Variants in RELN observed in about 807,000 individuals in gnomAD.
The protein encoded by RELN is reelin.
Under a neutral mutation model 427.6 loss-of-function variants are expected in RELN, and 108 were observed. The observed-to-expected ratio is 0.25, with a 90% CI of 0.22 to 0.30. RELN has a LOEUF of 0.30. Among genes scored for constraint, RELN ranks in the 10% least tolerant of loss-of-function variants. The pLI, the probability that RELN is intolerant of heterozygous loss-of-function variation, is 1.00. For synonymous variants in RELN, 1,524 were observed against 1,513.4 expected (o/e 1.01, Z -0.16); for missense variants, 3,715 against 4,302.8 (o/e 0.86, Z 3.82).
chr7:103,810,997 T>C (rs951200448), intron 3 of RELN, among the ~76,000 whole-genome samples: 1 of 152,352 alleles, frequency 6.6e-6, no homozygotes, highest in African/African-American at 2.4e-5. Flanking sequence ...ACTTTGAAAG[T>C]TACTAATGAA....
rs747036143 is a variant in RELN at position 103,790,734 on chromosome 7, C to T, written c.474-14107G>A. Reference sequence around the variant, plus strand: ...ATCCCAGGAATTTGGGAGGCTGAGGCGGGTGGATCATGAGGTCAGGAGTTT... The same window carrying T: ...ATCCCAGGAATTTGGGAGGCTGAGGTGGGTGGATCATGAGGTCAGGAGTTT... On this transcript the variant is annotated intron_variant, in intron 3 of 64. Coordinates refer to ENST00000428762, the MANE Select transcript of RELN (RefSeq NM_005045.4). Among the ~76,000 whole-genome samples, 6 of 152,046 alleles carry T rather than the reference C, an allele frequency of 3.9e-5. No homozygotes were observed. In the South Asian group the frequency reaches 6.2e-4, roughly 16 times the overall value.
At chr7:103,975,515 G>GTATT (rs1554451147) in intron 1 of RELN, among the ~76,000 whole-genome samples, 22,439 of 140,508 alleles carry the variant, frequency 0.16, 2,065 homozygotes, top group Admixed American at 0.25. Flanking sequence ...GAATGGAGCA[G>GTATT]TATTTATTTA....
At chr7:103,627,158 G>A (rs1832346321) in intron 20 of RELN, among the ~76,000 whole-genome samples, 1 of 152,066 alleles carries the variant, frequency 6.6e-6, no homozygotes, top group African/African-American at 2.4e-5. Context: ...CCAGCCATTT[G>A]TAAGACCACA....
chr7:103,862,694 C>T (rs551072635), intron 2 of RELN, among the ~76,000 whole-genome samples: 2 of 152,202 alleles, frequency 1.3e-5, no homozygotes, highest in East Asian at 3.9e-4. Flanking sequence ...TTTCATGCCA[C>T]AAAGTCTTCT....
intron 22 of RELN, among the ~76,000 whole-genome samples, chr7:103,606,621 C>T (rs527354898): frequency 3.3e-5 from 5 of 152,126 alleles, no homozygotes; most frequent in Admixed American, 2.0e-4. Context: ...CCCATGGCAC[C>T]CATTAATTTG....
At chr7:103,601,420 T>C (rs1481864526) in intron 24 of RELN, among the ~76,000 whole-genome samples, 7 of 152,228 alleles carry the variant, frequency 4.6e-5, no homozygotes, top group African/African-American at 1.7e-4. Context: ...TTCACCTGCA[T>C]TAAAACAAAA....
At chr7:103,823,659 A>G (rs1183080924) in intron 3 of RELN, among the ~76,000 whole-genome samples, 1 of 151,768 alleles carries the variant, frequency 6.6e-6, no homozygotes, top group Non-Finnish European at 1.5e-5. Flanking sequence ...CTATCCTAAA[A>G]TAATTATTGG....
intron 44 of RELN, 27 bp downstream of exon 44, chr7:103,540,169 TA>T (rs1830146077): frequency 6.2e-7 from 1 of 1,613,774 alleles, no homozygotes; most frequent in Non-Finnish European, 8.5e-7. Flanking sequence ...TGACGACAAT[TA>T]AAATAGTTAA....
At chr7:103,574,040 C>A in intron 30 of RELN, 52 bp downstream of exon 30, 3 of 1,342,390 alleles carry the variant, frequency 2.2e-6, no homozygotes, top group Non-Finnish European at 3.2e-6. Context: ...TAGACTACAT[C>A]GTGTGGTAAA....
chr7:103,625,855 G>C (rs1832318959), intron 20 of RELN, among the ~76,000 whole-genome samples: 1 of 152,046 alleles, frequency 6.6e-6, no homozygotes, highest in African/African-American at 2.4e-5. Flanking sequence ...ATTAAAATAT[G>C]TCACCTTCTA....
chr7:103,600,471 T>C (rs1831639628), intron 24 of RELN, among the ~76,000 whole-genome samples: 1 of 152,142 alleles, frequency 6.6e-6, no homozygotes, highest in Non-Finnish European at 1.5e-5. Context: ...TCCATTCTCA[T>C]AGTGAGAGCT....
At chr7:103,763,862 GA>G (rs143896071) in intron 4 of RELN, among the ~76,000 whole-genome samples, 2,009 of 152,160 alleles carry the variant, frequency 0.013, 46 homozygotes, top group African/African-American at 0.046. Context: ...TTGAGGCCAG[GA>G]GCATTTTGAT....
intron 2 of RELN, among the ~76,000 whole-genome samples, chr7:103,899,830 C>A (rs1045475203): frequency 6.6e-6 from 1 of 152,146 alleles, no homozygotes; most frequent in African/African-American, 2.4e-5. Flanking sequence ...GACAAACCCA[C>A]AGCCAATATC....
intron 11 of RELN, among the ~76,000 whole-genome samples, chr7:103,678,069 A>G (rs1562953113): frequency 6.6e-6 from 1 of 152,200 alleles, no homozygotes; most frequent in African/African-American, 2.4e-5. Context: ...AGACTACAGC[A>G]TACTGTCTTG....
At chr7:103,656,889 T>C (rs1408184358) in intron 12 of RELN, among the ~76,000 whole-genome samples, 1 of 152,094 alleles carries the variant, frequency 6.6e-6, no homozygotes, top group Non-Finnish European at 1.5e-5. Context: ...TTCAGGTATA[T>C]AGATCCACTT....
At chr7:103,773,150 TTCTTTC>T (rs1233109331) in intron 4 of RELN, among the ~76,000 whole-genome samples, 3 of 139,848 alleles carry the variant, frequency 2.1e-5, no homozygotes, top group African/African-American at 5.4e-5. Flanking sequence ...CTTTCTTTCT[TTCTTTC>T]TTTCTTTCTT....
intron 2 of RELN, among the ~76,000 whole-genome samples, chr7:103,839,991 G>T (rs770792496): frequency 1.6e-4 from 25 of 152,142 alleles, no homozygotes; most frequent in Non-Finnish European, 2.4e-4. Flanking sequence ...CTGGTTGTTT[G>T]AAAGTGTGTA....
intron 23 of RELN, 86 bp downstream of exon 23, chr7:103,604,260 T>C (rs1162562176): frequency 4.7e-6 from 7 of 1,501,104 alleles, no homozygotes; most frequent in African/African-American, 1.4e-5. Context: ...GGTCTATCCA[T>C]GTCACTCTGA....
At chr7:103,655,297 C>T (rs28417002) in intron 12 of RELN, among the ~76,000 whole-genome samples, 3,096 of 152,130 alleles carry the variant, frequency 0.02, 115 homozygotes, top group African/African-American at 0.07. Context: ...ATCCCTAAGT[C>T]CCCATATTTA....
Sources: allele counts gnomAD v4.1 joint callset (sites outside exome capture counted in the v4.1 genomes callset), GRCh38; gene constraint gnomAD v4.1.1; transcripts MANE v1.5; gene names NCBI Gene and HGNC (gene_info 2026-07-23, HGNC 2026-07-21).